ADAM2: variants seen among roughly 807,000 people sequenced by gnomAD.
ADAM2 encodes the protein disintegrin and metalloproteinase domain-containing protein 2.
Under a neutral mutation model 99.3 loss-of-function variants are expected in ADAM2, and 101 were observed. The ratio of observed to expected loss-of-function variants is 1.02; its 90% CI spans 0.87 to 1.20. ADAM2 has a LOEUF of 1.20. ADAM2 is among the 50% of genes most tolerant of loss of function. The pLI is 0.00. For synonymous variants in ADAM2, 323 were observed against 287.6 expected (o/e 1.12, Z -1.25); for missense variants, 948 against 878.7 (o/e 1.08, Z -1.00).
At chr8:39,779,377 AGAGCCCCCCACCAT>A (rs1314814630) in intron 10 of ADAM2, among the ~76,000 whole-genome samples, 6 of 152,104 alleles carry the variant, frequency 3.9e-5, no homozygotes, top group African/African-American at 1.4e-4. Flanking sequence ...CTATTGAATT[AGAGCCCCCCACCAT>A]GACCTATTTA....
intron 6 of ADAM2, among the ~76,000 whole-genome samples, chr8:39,809,985 G>A (rs1447365621): frequency 6.6e-6 from 1 of 152,096 alleles, no homozygotes; most frequent in Non-Finnish European, 1.5e-5. Context: ...GACACAGACT[G>A]GAAAAATTGG....
In ADAM2 at chr8:39,783,598, A is replaced by G. The variant is rs1023741136; in HGVS notation, c.891+3376T>C. Among the ~76,000 whole-genome samples, 3 of 152,254 alleles carry G rather than the reference A, an allele frequency of 2.0e-5. No individual in the cohort carries two copies. In the South Asian group the frequency reaches 6.2e-4, roughly 32 times the overall value. ...TGAAACCGTGACCCCTAACATGACT[A>G]TATCTAAAGACGTATAATTGTCGCA... On this transcript the variant is annotated intron_variant, in intron 10 of 20. Transcript: ENST00000265708.
chr8:39,832,523 G>A (rs946261259), intron 3 of ADAM2, among the ~76,000 whole-genome samples: 3 of 152,058 alleles, frequency 2.0e-5, no homozygotes, highest in African/African-American at 7.2e-5. Flanking sequence ...TGAAAGCTTT[G>A]AATTTTACTT....
rs377713401 is a variant in ADAM2, at chr8:39,837,243, C to T, written c.56-31G>A. 5 of 1,474,608 alleles carry T rather than the reference C, an allele frequency of 3.4e-6. No individual in the cohort carries two copies. The African/African-American group carries it at 7.0e-5, about 21-fold the overall frequency. The allele number at this position is 1,474,608 out of a possible 1,614,324, so 91.3% of individuals were successfully genotyped here. On this transcript the variant is annotated intron_variant, in intron 1 of 20. Transcript: ENST00000265708. The stretch of plus-strand genomic sequence containing the variant: ...AAATGTGCAAAATGTTTTATTAGAA[C>T]AATGCCCATCATTTCAGAGCGTGTT...
intron 10 of ADAM2, among the ~76,000 whole-genome samples, chr8:39,781,059 A>T (rs1363274162): frequency 6.8e-6 from 1 of 147,990 alleles, no homozygotes; most frequent in African/African-American, 2.5e-5. Flanking sequence ...CCCAGGCTGG[A>T]GTGCAGTGGC....
In ADAM2 at chr8:39,746,718, A is replaced by C. The variant is rs565507467; in HGVS notation, c.2015-87T>G. On this transcript the variant is annotated intron_variant, in intron 18 of 20. Transcript: ENST00000265708. ...TGTATTTTACTACGTCTACCAAAAT[A>C]AAATCTTTGAACAATTTAATAATTT... is the stretch of plus-strand genomic sequence containing the variant. 9.4e-4 allele frequency: 969 copies of C among 1,032,382 alleles called. 3 individuals carry two copies. Among genetic ancestry groups the C allele is most frequent in the Non-Finnish European group, 9.8e-4 (697 of 713,012 alleles). 64.0% of individuals were successfully genotyped at this position (1,032,382 alleles called of 1,614,324 possible).
At chr8:39,750,807 G>A (rs1164727744) in intron 16 of ADAM2, among the ~76,000 whole-genome samples, 1 of 152,108 alleles carries the variant, frequency 6.6e-6, no homozygotes, top group Non-Finnish European at 1.5e-5. Flanking sequence ...TTTAGTAATT[G>A]TTTTCAGAGA....
At chr8:39,797,719 T>C (rs1428929228) in intron 7 of ADAM2, among the ~76,000 whole-genome samples, 1 of 151,982 alleles carries the variant, frequency 6.6e-6, no homozygotes, top group Admixed American at 6.6e-5. Context: ...CCTCTTTTAT[T>C]TCCTTGACTT....
chr8:39,829,555 A>G (rs1214372512), intron 3 of ADAM2, among the ~76,000 whole-genome samples: 6 of 151,970 alleles, frequency 3.9e-5, no homozygotes. Flanking sequence ...ACCACTATTA[A>G]TAGAATATAT....
At chr8:39,748,210 C>T (rs1193198405) in intron 18 of ADAM2, among the ~76,000 whole-genome samples, 1 of 152,096 alleles carries the variant, frequency 6.6e-6, no homozygotes, top group Non-Finnish European at 1.5e-5. Flanking sequence ...TGCAAAATAC[C>T]TGGCTAGAGT....
At chr8:39,766,134 T>A (rs925561642) in intron 14 of ADAM2, among the ~76,000 whole-genome samples, 24 of 152,224 alleles carry the variant, frequency 1.6e-4, no homozygotes, top group Admixed American at 5.2e-4. Flanking sequence ...GGTGATTTTA[T>A]GCACCTGAAT....
At chr8:39,791,645 T>A (rs1410811826) in intron 7 of ADAM2, among the ~76,000 whole-genome samples, 2 of 152,072 alleles carry the variant, frequency 1.3e-5, no homozygotes, top group African/African-American at 4.8e-5. Flanking sequence ...TCTCTGATAC[T>A]TTTGGCTTTC....
At chr8:39,771,581 A>C (rs190842942) in intron 11 of ADAM2, among the ~76,000 whole-genome samples, 59 of 152,266 alleles carry the variant, frequency 3.9e-4, no homozygotes, top group African/African-American at 1.1e-3. Flanking sequence ...TAAGGTAATA[A>C]ACTTGATGGT....
rs748753139 is a variant in ADAM2 at position 39,787,008 on chromosome 8, A to G, written c.857T>C (p.Met286Thr). 3 of 1,593,722 alleles carry G rather than the reference A, an allele frequency of 1.9e-6. No individual in the cohort carries two copies. The highest frequency in any genetic ancestry group is 2.3e-5 in the East Asian group (1 of 43,828). ...ACCTCCTGCATAGTTTGCATCACAC[A>G]TCTTCCCTTGAAAGGTTGCACCAAC... Reference protein sequence around the residue: ...NYVGATFQGKMCDANYAGGVV... With the variant: ...NYVGATFQGKTCDANYAGGVV... Residue 286 changes from methionine to threonine, a missense_variant, in exon 10 of 21, where the codon ATG (methionine) becomes ACG (threonine). By Grantham distance (81) the Met-to-Thr change is moderately conservative. Coordinates refer to ENST00000265708, the MANE Select transcript of ADAM2 (RefSeq NM_001464.5).
rs745522872 is a variant in ADAM2 at position 39,749,423 on chromosome 8, A to G, written c.1903T>C (p.Cys635Arg). Residue 635 changes from cysteine to arginine, a missense_variant, in exon 18 of 21, where the codon TGT becomes CGT. Coordinates refer to ENST00000265708, the MANE Select transcript of ADAM2 (RefSeq NM_001464.5). ...TCTGGAGGTAAATATGAAGCACTAC[A>G]GTGACAGTGCTTTTTGTTATTGCAT... ...GVCNNKKHCH[C>R]SASYLPPDCS... The G allele has an allele frequency of 1.8e-5, 29 of 1,612,852 alleles. No homozygotes were observed. The highest frequency in any genetic ancestry group is 4.0e-5 in the African/African-American group (3 of 74,868).
intron 6 of ADAM2, among the ~76,000 whole-genome samples, chr8:39,816,157 C>T (rs768629146): frequency 3.3e-5 from 5 of 151,958 alleles, no homozygotes; most frequent in African/African-American, 7.2e-5. Context: ...ATTAGCCGAG[C>T]GTGGTGGTGT....
chr8:39,787,098 A>C, intron 9 of ADAM2, 43 bp from the exon 10 acceptor site: 1 of 1,234,652 alleles, frequency 8.1e-7, no homozygotes, highest in East Asian at 2.6e-5. Flanking sequence ...TTTTGTAAAA[A>C]TTAATATGAA....
rs187377426 is a variant in ADAM2 at position 39,832,758 on chromosome 8, G to T, written c.188+1186C>A. 4.7e-3 allele frequency among the ~76,000 whole-genome samples: 707 copies of T among 152,004 alleles called. 10 individuals carry two copies. Among genetic ancestry groups the T allele is most frequent in the African/African-American group, 0.016 (669 of 41,480 alleles). Reference sequence around the variant, plus strand: ...CTGAGGATATGGTTACTATTCAAAAGATTTTTTTATTTTAGTATGTGATTT... The same window carrying T: ...CTGAGGATATGGTTACTATTCAAAATATTTTTTTATTTTAGTATGTGATTT... On this transcript the variant is annotated intron_variant, in intron 3 of 20. Coordinates refer to ENST00000265708, the MANE Select transcript of ADAM2 (RefSeq NM_001464.5).
chr8:39,789,076 CAT>C (rs1417526780), intron 7 of ADAM2, among the ~76,000 whole-genome samples: 1 of 151,340 alleles, frequency 6.6e-6, no homozygotes, highest in Non-Finnish European at 1.5e-5. Context: ...GTATAGGAGA[CAT>C]AGTACATTTT....
Sources: gnomAD v4.1 joint callset for allele counts (sites outside exome capture counted in the v4.1 genomes callset) on GRCh38, gnomAD v4.1.1 for gene constraint, MANE v1.5 for transcripts, NCBI Gene and HGNC (gene_info 2026-07-23, HGNC 2026-07-21) for gene names.